Variants in AGMO observed in about 807,000 individuals in gnomAD.
The protein encoded by AGMO is alkylglycerol monooxygenase.
Under a neutral mutation model 60.2 loss-of-function variants are expected in AGMO, and 75 were observed. That is an observed-to-expected ratio of 1.25 (90% CI 1.03 to 1.51). AGMO has a LOEUF of 1.51. AGMO is among the 40% of genes most tolerant of loss of function. The probability of loss-of-function intolerance (pLI) is 0.00; values close to 1 mark genes in which losing one functional copy is unlikely to be tolerated. For synonymous variants in AGMO, 261 were observed against 177.1 expected (o/e 1.47, Z -3.76); for missense variants, 763 against 525.5 (o/e 1.45, Z -4.42).
chr7:15,206,065 G>A (rs1781431406), intron 12 of AGMO, among the ~76,000 whole-genome samples: 1 of 151,756 alleles, frequency 6.6e-6, no homozygotes, highest in Admixed American at 6.6e-5. Context: ...TTTTTGAGAT[G>A]ACCATTGTCA....
intron 12 of AGMO, among the ~76,000 whole-genome samples, chr7:15,303,954 G>C (rs563485940): frequency 1.3e-5 from 2 of 152,142 alleles, no homozygotes; most frequent in African/African-American, 4.8e-5. Context: ...GAATAGGTCT[G>C]TGGGTATATC....
chr7:15,490,021 T>C (rs1248185750), intron 3 of AGMO, among the ~76,000 whole-genome samples: 1 of 152,222 alleles, frequency 6.6e-6, no homozygotes. Context: ...CATGGCACAC[T>C]GAATGGAAAA....
At chr7:15,498,820 CT>C (rs772407622) in intron 3 of AGMO, among the ~76,000 whole-genome samples, 40 of 151,838 alleles carry the variant, frequency 2.6e-4, no homozygotes, top group Non-Finnish European at 5.0e-4. Flanking sequence ...AACGTACTTT[CT>C]GAAGACATCT....
chr7:15,314,089 G>A (rs1486203898), intron 12 of AGMO, among the ~76,000 whole-genome samples: 1 of 152,008 alleles, frequency 6.6e-6, no homozygotes, highest in Non-Finnish European at 1.5e-5. Flanking sequence ...ATGGTTGGAT[G>A]TCAGCAGCAG....
At chr7:15,123,898 C>T in the AGMO span, among the ~76,000 whole-genome samples, 1 of 152,052 alleles carries the variant, frequency 6.6e-6, no homozygotes, top group Non-Finnish European at 1.5e-5. Context: ...TGAGCGTACG[C>T]TTTGCTGGGA....
At position 15,365,504 on chromosome 7, in the gene AGMO, A is replaced by T. The variant is rs1333391363; in HGVS notation, c.1263+10T>A. 6.3e-7 allele frequency: 1 copy of T among 1,597,342 alleles called. No homozygotes were observed. Among genetic ancestry groups the T allele is most frequent in the Non-Finnish European group, 8.6e-7 (1 of 1,166,012 alleles). On this transcript the variant is annotated intron_variant, in intron 12 of 12. Coordinates refer to ENST00000342526, the MANE Select transcript of AGMO (RefSeq NM_001004320.2). ...ACGCCATCCTGTGGCTACCTAAACAAATGTCTTACCTCAAAAGCAGATGAC... is the reference window on the plus strand; with the variant it reads ...ACGCCATCCTGTGGCTACCTAAACATATGTCTTACCTCAAAAGCAGATGAC...
rs571614570 is a variant in AGMO at position 15,228,481 on chromosome 7, G to T, written c.1264-27122C>A. 2.0e-5 allele frequency among the ~76,000 whole-genome samples: 3 copies of T among 152,208 alleles called. No individual in the cohort carries two copies. The South Asian group carries it at 6.2e-4, about 32-fold the overall frequency. The stretch of plus-strand genomic sequence containing the variant: ...AGGGAAGGTTGAACAAAATGGGCTG[G>T]AGAAATAGTTGTGAAGGAGTCAACT... On this transcript the variant is annotated intron_variant, in intron 12 of 12. Coordinates refer to ENST00000342526, the MANE Select transcript of AGMO (RefSeq NM_001004320.2).
chr7:15,561,620 A>T, intron 1 of AGMO, 100 bp downstream of exon 1: 2 of 1,134,612 alleles, frequency 1.8e-6, no homozygotes, highest in South Asian at 4.8e-5. Flanking sequence ...GAATGTAATC[A>T]TTTGAATAAT....
intron 5 of AGMO, among the ~76,000 whole-genome samples, chr7:15,408,375 G>A (rs757862963): frequency 1.6e-4 from 25 of 151,800 alleles, no homozygotes; most frequent in Non-Finnish European, 8.8e-5. Context: ...AAATATATAG[G>A]AGAGGGCAGA....
the AGMO span, among the ~76,000 whole-genome samples, chr7:15,163,814 G>T: frequency 6.6e-6 from 1 of 151,486 alleles, no homozygotes; most frequent in Non-Finnish European, 1.5e-5. Flanking sequence ...GCCTGATTTT[G>T]ATATCAGGAT....
chr7:15,389,814 C>A (rs925010448), intron 8 of AGMO, among the ~76,000 whole-genome samples: 2 of 152,152 alleles, frequency 1.3e-5, no homozygotes, highest in African/African-American at 4.8e-5. Context: ...GTAATAGCTA[C>A]ATTAAATATT....
Position 15,419,745 on chromosome 7 carries a change from T to C in AGMO, c.514-1092A>G, listed in dbSNP as rs574368616. 2.6e-5 allele frequency among the ~76,000 whole-genome samples: 4 copies of C among 152,088 alleles called. No individual in the cohort carries two copies. The South Asian group carries it at 8.3e-4, about 31-fold the overall frequency. On this transcript the variant is annotated intron_variant, in intron 4 of 12. Transcript: ENST00000342526. ...GTGAGAAAAGAATACTGGGCTCTCA[T>C]TCAAGAGATCAATTTTTAGTCCATG...
chr7:15,414,643 G>GA (rs1209379932), intron 5 of AGMO, among the ~76,000 whole-genome samples: 1 of 150,752 alleles, frequency 6.6e-6, no homozygotes, highest in African/African-American at 2.4e-5. Flanking sequence ...AAATATAGGG[G>GA]AAAAAAAAGA....
intron 12 of AGMO, among the ~76,000 whole-genome samples, chr7:15,287,365 T>A (rs941907858): frequency 2.6e-5 from 4 of 152,216 alleles, no homozygotes; most frequent in African/African-American, 9.6e-5. Context: ...CCACTCCTAT[T>A]TTCTTTGCCA....
downstream of AGMO, among the ~76,000 whole-genome samples, chr7:15,197,591 G>GCA (rs1463936682): frequency 6.6e-6 from 1 of 152,178 alleles, no homozygotes; most frequent in Non-Finnish European, 1.5e-5. Flanking sequence ...ATAGAGCTAA[G>GCA]GTAATGAGCA....
chr7:15,218,327 ATGTGTGTGTGTGTGTG>A (rs138890087), intron 12 of AGMO, among the ~76,000 whole-genome samples: 1 of 143,928 alleles, frequency 6.9e-6, no homozygotes, highest in African/African-American at 2.6e-5. Context: ...TGGTGTGTGT[ATGTGTGTGTGTGTGTG>A]TGTGTGTGTG....
At chr7:15,419,703 A>G (rs889033847) in intron 4 of AGMO, among the ~76,000 whole-genome samples, 1 of 151,878 alleles carries the variant, frequency 6.6e-6, no homozygotes, top group African/African-American at 2.4e-5. Flanking sequence ...CATGTTATTA[A>G]GCAATGGATT....
intron 12 of AGMO, among the ~76,000 whole-genome samples, chr7:15,329,930 G>T (rs1781451037): frequency 6.6e-6 from 1 of 152,144 alleles, no homozygotes; most frequent in South Asian, 2.1e-4. Flanking sequence ...TGTGCTTTAG[G>T]TCAGAGGACT....
At chr7:15,294,111 G>A (rs1476910717) in intron 12 of AGMO, among the ~76,000 whole-genome samples, 1 of 152,006 alleles carries the variant, frequency 6.6e-6, no homozygotes, top group Non-Finnish European at 1.5e-5. Context: ...AGAAAATAAA[G>A]CAGGTTTTTC....
Sources: allele counts gnomAD v4.1 joint callset (sites outside exome capture counted in the v4.1 genomes callset), GRCh38; gene constraint gnomAD v4.1.1; transcripts MANE v1.5; gene names NCBI Gene and HGNC (gene_info 2026-07-23, HGNC 2026-07-21).